Variants in NTNG2 observed in about 807,000 individuals in gnomAD.
NTNG2 encodes netrin-G2.
In NTNG2, 15 loss-of-function variants were observed where a neutral mutation model predicts 47.6. That is an observed-to-expected ratio of 0.32 (90% CI 0.21 to 0.49). NTNG2 has a LOEUF of 0.49. Ranked by LOEUF, NTNG2 falls within the 20% of genes least tolerant of loss-of-function variation. The probability of loss-of-function intolerance (pLI) is 0.99; values close to 1 mark genes in which losing one functional copy is unlikely to be tolerated. For missense variants in NTNG2, 578 were observed against 764.6 expected, an observed-to-expected ratio of 0.76 and a Z score of 2.88; for synonymous variants, 307 against 324.6, an observed-to-expected ratio of 0.95 and a Z score of 0.58.
At chr9:132,167,340 G>T (rs7036671) in intron 2 of NTNG2, among the ~76,000 whole-genome samples, 1 of 152,200 alleles carries the variant, frequency 6.6e-6, no homozygotes, top group Non-Finnish European at 1.5e-5. Context: ...ATTCAGCTCC[G>T]CAGCCTTCAG....
At chr9:132,201,283 C>G (rs891114527) in intron 3 of NTNG2, among the ~76,000 whole-genome samples, 5 of 152,266 alleles carry the variant, frequency 3.3e-5, no homozygotes, top group African/African-American at 1.2e-4. Context: ...GAGCCCATGT[C>G]TCCCTGGAGG....
intron 3 of NTNG2, among the ~76,000 whole-genome samples, chr9:132,211,082 C>A (rs1022869679): frequency 1.3e-5 from 2 of 152,204 alleles, no homozygotes; most frequent in Non-Finnish European, 2.9e-5. Context: ...TGAGCGGAGG[C>A]CTCCGCAGCA....
Position 132,226,749 on chromosome 9 carries a change from A to C in NTNG2, c.858-100A>C. 1 of 1,102,324 alleles carries C rather than the reference A, an allele frequency of 9.1e-7. No individual in the cohort carries two copies. Among genetic ancestry groups the C allele is most frequent in the Non-Finnish European group, 1.2e-6 (1 of 800,320 alleles). 68.3% of individuals were successfully genotyped at this position (1,102,324 alleles called of 1,614,324 possible). A position where few individuals can be genotyped will look rare whatever the true frequency, so the allele number is the denominator to read the frequency against. On this transcript the variant is annotated intron_variant, in intron 3 of 7. Transcript: ENST00000393229. This position sits in a 1 kb window ranked among gnomAD's most constrained non-coding sequence, Gnocchi z 4.8. The stretch of plus-strand genomic sequence containing the variant: ...AGGGTTTCTTCCTGGGCAGCCCAAC[A>C]CCCTCCTGGGCCCCTCCTGGGAGGC...
intron 3 of NTNG2, among the ~76,000 whole-genome samples, chr9:132,225,443 T>G (rs1840686070): frequency 6.6e-6 from 1 of 152,076 alleles, no homozygotes; most frequent in South Asian, 2.1e-4. Context: ...CTAATTTTTT[T>G]ATTTTCTGTA....
rs1837051995 is a variant in NTNG2 at position 132,182,853 on chromosome 9, A to G, written c.214-15113A>G. Among the ~76,000 whole-genome samples, 1 of 152,070 alleles carries G rather than the reference A, an allele frequency of 6.6e-6. No homozygotes were observed. Among genetic ancestry groups the G allele is most frequent in the Non-Finnish European group, 1.5e-5 (1 of 68,020 alleles). ...CGGCTGGCTCTCAGCCGGGGTGCAC[A>G]CTGGACTTGCCTGGGAGCTTTTCAT... is the stretch of plus-strand genomic sequence containing the variant. On this transcript the variant is annotated intron_variant, in intron 2 of 7. Transcript: ENST00000393229. The surrounding 1 kb of genome is among the most constrained non-coding windows in gnomAD (Gnocchi z 4.2).
At chr9:132,209,253 C>T (rs1045007093) in intron 3 of NTNG2, among the ~76,000 whole-genome samples, 3 of 152,360 alleles carry the variant, frequency 2.0e-5, no homozygotes, top group East Asian at 3.9e-4. Context: ...TGAGAAACTG[C>T]CAGGCCGTCT....
intron 2 of NTNG2, among the ~76,000 whole-genome samples, chr9:132,184,877 G>A (rs992179810): frequency 2.0e-5 from 3 of 152,358 alleles, no homozygotes; most frequent in Non-Finnish European, 2.9e-5. Context: ...AGCCAAGATC[G>A]TACCAGTGCA....
intron 5 of NTNG2, chr9:132,233,408 G>A (rs527381833): frequency 1.3e-5 from 2 of 152,460 alleles, no homozygotes; most frequent in African/African-American, 4.8e-5. Flanking sequence ...TGGGAGGCTG[G>A]GCAGATTGTG....
At chr9:132,202,836 A>G (rs898456654) in intron 3 of NTNG2, among the ~76,000 whole-genome samples, 4 of 151,940 alleles carry the variant, frequency 2.6e-5, no homozygotes, top group Non-Finnish European at 5.9e-5. Flanking sequence ...GTGTCTTTGC[A>G]AAGCTCCTCA....
chr9:132,216,480 G>A (rs1021469450), intron 3 of NTNG2, among the ~76,000 whole-genome samples: 17 of 142,896 alleles, frequency 1.2e-4, no homozygotes, highest in East Asian at 6.5e-4. Flanking sequence ...CCCATGGAGC[G>A]TTCTTGCTGC....
In NTNG2 at chr9:132,243,194, G is replaced by A. The variant is rs1842082597; in HGVS notation, c.*1083G>A. ...AATCCAATGCTCTGATTTATACTGTGTCTCGGTGGCCACCTCCGATGGATG... is the reference window on the plus strand; with the variant it reads ...AATCCAATGCTCTGATTTATACTGTATCTCGGTGGCCACCTCCGATGGATG... On this transcript the variant is annotated 3_prime_UTR_variant, in exon 8 of 8. Transcript: ENST00000393229. 6.6e-6 allele frequency: 1 copy of A among 152,230 alleles called. No individual in the cohort carries two copies. Among genetic ancestry groups the A allele is most frequent in the African/African-American group, 2.4e-5 (1 of 41,444 alleles). 9.4% of individuals were successfully genotyped at this position (152,230 alleles called of 1,614,324 possible).
At chr9:132,239,642 G>GA (rs1841858373) in intron 6 of NTNG2, among the ~76,000 whole-genome samples, 1 of 152,094 alleles carries the variant, frequency 6.6e-6, no homozygotes, top group Admixed American at 6.5e-5. Flanking sequence ...CTGGTGTGTG[G>GA]GGGGGTCCCC....
In NTNG2 at chr9:132,238,110, G is replaced by A. The variant is rs368839769; in HGVS notation, c.1055-994G>A. Among the ~76,000 whole-genome samples, 910 of 147,794 alleles carry A rather than the reference G, an allele frequency of 6.2e-3. 8 individuals carry two copies. Among genetic ancestry groups the A allele is most frequent in the Non-Finnish European group, 8.9e-3 (593 of 66,524 alleles). On this transcript the variant is annotated intron_variant, in intron 5 of 7. Coordinates refer to ENST00000393229, the MANE Select transcript of NTNG2 (RefSeq NM_032536.4). The stretch of plus-strand genomic sequence containing the variant: ...GGGTGGCCGTTGTCCTTCCTTGTTC[G>A]GGGGCAGCCACATTGGCTTTCTTGC...
intron 2 of NTNG2, among the ~76,000 whole-genome samples, chr9:132,187,550 A>G (rs1837486968): frequency 7.1e-6 from 1 of 141,382 alleles, no homozygotes; most frequent in East Asian, 2.1e-4. Context: ...AAACACACAC[A>G]CAGAGAGCGA....
intron 2 of NTNG2, among the ~76,000 whole-genome samples, chr9:132,185,905 G>GAGC (rs1284657030): frequency 1.4e-4 from 21 of 152,018 alleles, no homozygotes; most frequent in African/African-American, 4.1e-4. Flanking sequence ...AAAGGAGGAG[G>GAGC]AGCAGCAGCG....
chr9:132,169,421 C>G (rs746304703), intron 2 of NTNG2, among the ~76,000 whole-genome samples: 3 of 152,202 alleles, frequency 2.0e-5, no homozygotes, highest in Admixed American at 1.3e-4. Flanking sequence ...CTAGATAGAT[C>G]TGGGTTCAAA....
intron 3 of NTNG2, among the ~76,000 whole-genome samples, chr9:132,225,254 G>GT (rs1318650106): frequency 5.0e-4 from 75 of 149,794 alleles, no homozygotes; most frequent in African/African-American, 1.7e-3. Context: ...TTTTTGTTTT[G>GT]TTTGTTTTTG....
At position 132,236,650 on chromosome 9, in the gene NTNG2, G is replaced by T. The variant is rs1477903041; in HGVS notation, c.1055-2454G>T. ...TAGAAACCTGGAGGACCTGGGCCTGGTGTCCTCTGTGGTGATGGAGACAGA... is the reference window on the plus strand; with the variant it reads ...TAGAAACCTGGAGGACCTGGGCCTGTTGTCCTCTGTGGTGATGGAGACAGA... On this transcript the variant is annotated intron_variant, in intron 5 of 7. Transcript: ENST00000393229. This position sits in a 1 kb window ranked among gnomAD's most constrained non-coding sequence, Gnocchi z 4.3. Among the ~76,000 whole-genome samples the T allele has an allele frequency of 6.6e-6, 1 of 152,364 alleles. No individual in the cohort carries two copies. The highest frequency in any genetic ancestry group is 6.5e-5 in the Admixed American group (1 of 15,312).
Position 132,241,090 on chromosome 9 carries a change from C to T in NTNG2, c.1357+46C>T, listed in dbSNP as rs1213502492. 4 of 1,500,948 alleles carry T rather than the reference C, an allele frequency of 2.7e-6. No homozygotes were observed. In the South Asian group the frequency reaches 3.7e-5, roughly 14 times the overall value. 93.0% of individuals were successfully genotyped at this position (1,500,948 alleles called of 1,614,324 possible). Reference sequence around the variant, plus strand: ...GTGGGCGGGGCCTGCGGAAAGGGGACGGGGCAGGACCGAGGCAGTGGGCGG... The same window carrying T: ...GTGGGCGGGGCCTGCGGAAAGGGGATGGGGCAGGACCGAGGCAGTGGGCGG... On this transcript the variant is annotated intron_variant, in intron 7 of 7. Transcript: ENST00000393229.
Sources: gnomAD v4.1 joint callset for allele counts (sites outside exome capture counted in the v4.1 genomes callset) on GRCh38, gnomAD v4.1.1 for gene constraint, Gnocchi (gnomAD v3.1) non-coding constraint, MANE v1.5 for transcripts, NCBI Gene and HGNC (gene_info 2026-07-23, HGNC 2026-07-21) for gene names.